The following FRMPD2 variants were observed in gnomAD, a reference collection of about 807,000 sequenced individuals.
FRMPD2 encodes the protein FERM and PDZ domain containing 2.
In FRMPD2, 96 loss-of-function variants were observed where a neutral mutation model predicts 140.1. The observed-to-expected ratio is 0.69, with a 90% confidence interval of 0.58 to 0.81. The LOEUF is 0.81. FRMPD2 is among the 40% of genes least tolerant of loss of function. The pLI, the probability that FRMPD2 is intolerant of heterozygous loss-of-function variation, is 0.00. For missense variants in FRMPD2, 1,240 were observed against 1,447.4 expected (o/e 0.86, Z 2.32); for synonymous variants, 449 against 547.6 (o/e 0.82, Z 2.52).
chr10:48,215,177 C>T (rs962342906), intron 12 of FRMPD2, among the ~76,000 whole-genome samples: 1 of 152,102 alleles, frequency 6.6e-6, no homozygotes, highest in Admixed American at 6.6e-5. Context: ...TTTTTCAGCA[C>T]CAGAACCATT....
rs910218324 is a variant in FRMPD2 at position 48,212,043 on chromosome 10, T to A, written c.1522A>T (p.Thr508Ser). The A allele has an allele frequency of 2.9e-5, 46 of 1,613,960 alleles. No homozygotes were observed. Among genetic ancestry groups the A allele is most frequent in the Admixed American group, 3.3e-5 (2 of 60,000 alleles). ...YIPASLIERM[T>S]ALRVQVEVSE... ...ACTTCAACCTGGACCCGTAGAGCGG[T>A]CATCCTCTCGATCAGACTCGCTGGG... The change falls in exon 13 of 29, where the codon ACC (threonine) becomes TCC (serine). Residue 508 changes from threonine to serine, a missense_variant. Coordinates refer to ENST00000374201, the MANE Select transcript of FRMPD2 (RefSeq NM_001018071.4).
intron 3 of FRMPD2, 92 bp from the exon 4 acceptor site, chr10:48,244,941 AG>A: frequency 4.1e-6 from 4 of 966,634 alleles, no homozygotes; most frequent in Non-Finnish European, 6.6e-6. Flanking sequence ...CCACATGAAC[AG>A]ACACTGTTGT....
rs1394663502 is a variant in FRMPD2, at chr10:48,201,312, T to C, written c.1870A>G (p.Ser624Gly). The C allele has an allele frequency of 6.2e-7, 1 of 1,613,874 alleles. No individual in the cohort carries two copies. The highest frequency in any genetic ancestry group is 1.3e-5 in the African/African-American group (1 of 74,930). Residue 624 changes from serine to glycine, a missense_variant, in exon 15 of 29, where the codon AGT becomes GGT. By Grantham distance (56) the Ser-to-Gly change is moderately conservative (BLOSUM62 0). Around this residue, in one of 6 missense-constraint regions of FRMPD2, gnomAD observed 1,161 missense variants for 1,055.9 expected, o/e 1.10. Coordinates refer to ENST00000374201, the MANE Select transcript of FRMPD2 (RefSeq NM_001018071.4). ...HTFVTDSAKT[S>G]KYLLDLCSAQ... ...GAGCAGAGGTCCAGTAAGTATTTAC[T>C]GGTCTTGGCTGAATCTGTGACAAAT... is the stretch of plus-strand genomic sequence containing the variant.
intron 10 of FRMPD2, among the ~76,000 whole-genome samples, chr10:48,225,133 G>A (rs963577972): frequency 1.3e-5 from 2 of 152,152 alleles, no homozygotes; most frequent in African/African-American, 2.4e-5. Context: ...AGAGGATTTC[G>A]CCAGAAGGCC....
intron 15 of FRMPD2, among the ~76,000 whole-genome samples, chr10:48,193,750 T>A (rs1737081204): frequency 6.6e-6 from 1 of 152,148 alleles, no homozygotes. Flanking sequence ...TCTGTGTGTG[T>A]ATGTGTGTGT....
At chr10:48,258,669 C>T (rs1281436363) in intron 1 of FRMPD2, among the ~76,000 whole-genome samples, 1 of 148,766 alleles carries the variant, frequency 6.7e-6, no homozygotes, top group Non-Finnish European at 1.5e-5. Flanking sequence ...TATTTTTCGG[C>T]ATTCAGAGCA....
At chr10:48,219,383 G>C (rs1354184751) in intron 12 of FRMPD2, among the ~76,000 whole-genome samples, 1 of 152,104 alleles carries the variant, frequency 6.6e-6, no homozygotes, top group South Asian at 2.1e-4. Flanking sequence ...CAGCATGCTG[G>C]CTGGGAGGTC....
rs1361981063 is a variant in FRMPD2, at chr10:48,193,735, GT to G, written c.1955-842del. Among the ~76,000 whole-genome samples the G allele has an allele frequency of 2.6e-5, 4 of 152,206 alleles. No individual in the cohort carries two copies. In the East Asian group the frequency reaches 7.7e-4, roughly 29 times the overall value. ...ACACATGGTAGTGGTGTGGCTCCTGGTTTCTCTGTGTGTGTATGTGTGTGTG... is the reference window on the plus strand; with the variant it reads ...ACACATGGTAGTGGTGTGGCTCCTGGTTCTCTGTGTGTGTATGTGTGTGTG... On this transcript the variant is annotated intron_variant, in intron 15 of 28. Transcript: ENST00000374201.
chr10:48,267,115 C>T (rs1305559025), intron 1 of FRMPD2, among the ~76,000 whole-genome samples: 1 of 152,116 alleles, frequency 6.6e-6, no homozygotes, highest in Non-Finnish European at 1.5e-5. Flanking sequence ...AAGTAAGGTC[C>T]AGAGTCTCAT....
chr10:48,202,691 G>A (rs1386793023), intron 14 of FRMPD2, among the ~76,000 whole-genome samples: 3 of 152,142 alleles, frequency 2.0e-5, no homozygotes, highest in Non-Finnish European at 4.4e-5. Context: ...TTTCAAAGTC[G>A]AATATTTGCT....
chr10:48,234,016 G>A (rs1217626837), intron 9 of FRMPD2, among the ~76,000 whole-genome samples: 3 of 152,240 alleles, frequency 2.0e-5, no homozygotes, highest in African/African-American at 7.2e-5. Context: ...CACCCACCCA[G>A]CTCCCAAGCC....
chr10:48,185,061 G>A (rs1838646497), intron 18 of FRMPD2, among the ~76,000 whole-genome samples, 180 bp from the exon 19 acceptor site: 1 of 152,174 alleles, frequency 6.6e-6, no homozygotes, highest in Admixed American at 6.5e-5. Context: ...CTTGGAGAAA[G>A]GTGGATTGTT....
chr10:48,204,120 G>T (rs1839149293), intron 14 of FRMPD2, among the ~76,000 whole-genome samples: 1 of 152,126 alleles, frequency 6.6e-6, no homozygotes, highest in South Asian at 2.1e-4. Flanking sequence ...ATAATACCCA[G>T]CCCCCGAAGG....
At chr10:48,217,854 G>A (rs1839486841) in intron 12 of FRMPD2, among the ~76,000 whole-genome samples, 1 of 152,220 alleles carries the variant, frequency 6.6e-6, no homozygotes, top group Admixed American at 6.5e-5. Context: ...TGAGGAATAA[G>A]ACACAGAACT....
intron 15 of FRMPD2, among the ~76,000 whole-genome samples, chr10:48,195,427 A>T (rs1838928942): frequency 6.6e-6 from 1 of 152,258 alleles, no homozygotes. Flanking sequence ...TCAACTGCTC[A>T]AGAATCAAAG....
intron 2 of FRMPD2, among the ~76,000 whole-genome samples, chr10:48,250,124 A>C (rs1049305507): frequency 6.6e-6 from 1 of 152,138 alleles, no homozygotes; most frequent in Non-Finnish European, 1.5e-5. Context: ...ACCTCCAGAG[A>C]GGTGACTCGC....
At chr10:48,167,845 T>G (rs2035627867) in intron 27 of FRMPD2, among the ~76,000 whole-genome samples, 2 of 151,480 alleles carry the variant, frequency 1.3e-5, no homozygotes, top group African/African-American at 2.4e-5. Flanking sequence ...GTGGGCCTCA[T>G]GCTGTCAGCT....
intron 28 of FRMPD2, among the ~76,000 whole-genome samples, chr10:48,161,432 G>A (rs1319923034): frequency 6.6e-6 from 1 of 151,674 alleles, no homozygotes; most frequent in South Asian, 2.1e-4. Flanking sequence ...ATAGGTATCC[G>A]GACTTGGAAG....
Position 48,156,567 on chromosome 10 carries a change from G to T in FRMPD2, c.*755C>A. 1 of 215,058 alleles carries T rather than the reference G, an allele frequency of 4.6e-6. No individual in the cohort carries two copies. The highest frequency in any genetic ancestry group is 8.8e-6 in the Non-Finnish European group (1 of 113,584). 13.3% of individuals were successfully genotyped at this position (215,058 alleles called of 1,614,324 possible). A position where few individuals can be genotyped will look rare whatever the true frequency, so the allele number is the denominator to read the frequency against. The stretch of plus-strand genomic sequence containing the variant: ...TATAAGGCACCAACCCTGGCTTTGA[G>T]GAGCCCCCAATTTAATGAGAAGTTG... On this transcript the variant is annotated 3_prime_UTR_variant, in exon 29 of 29. Transcript: ENST00000374201.
Sources: gnomAD v4.1 joint callset for allele counts (sites outside exome capture counted in the v4.1 genomes callset) on GRCh38, gnomAD v4.1.1 for gene constraint, gnomAD v4.1.1 regional missense constraint, MANE v1.5 for transcripts, NCBI Gene and HGNC (gene_info 2026-07-23, HGNC 2026-07-21) for gene names.